Variants in PRKCB observed in about 807,000 individuals in gnomAD.
PRKCB encodes the protein protein kinase C beta.
In PRKCB, 13 loss-of-function variants were observed where a neutral mutation model predicts 81.5. The observed-to-expected ratio is 0.16, with a 90% CI of 0.10 to 0.25. The LOEUF (loss-of-function observed/expected upper bound fraction) is 0.25, where lower values mean the gene tolerates loss of function less well. PRKCB is among the 10% of genes least tolerant of loss of function. The pLI is 1.00. For synonymous variants in PRKCB, 335 were observed against 321.4 expected, an observed-to-expected ratio of 1.04 and a Z score of -0.45; for missense variants, 509 against 875.7, an observed-to-expected ratio of 0.58 and a Z score of 5.29.
intron 5 of PRKCB, among the ~76,000 whole-genome samples, chr16:24,092,263 T>C (rs995938731): frequency 1.3e-5 from 2 of 152,196 alleles, no homozygotes; most frequent in Non-Finnish European, 2.9e-5. Context: ...TTCATGTAAA[T>C]GGAATCATAC....
intron 9 of PRKCB, among the ~76,000 whole-genome samples, chr16:24,128,349 T>C (rs1966848150): frequency 6.6e-6 from 1 of 152,056 alleles, no homozygotes; most frequent in Admixed American, 6.5e-5. Flanking sequence ...CACTCCAGCC[T>C]GGGTGACAGA....
intron 13 of PRKCB, among the ~76,000 whole-genome samples, chr16:24,181,303 G>A (rs1967618069): frequency 6.6e-6 from 1 of 152,162 alleles, no homozygotes; most frequent in African/African-American, 2.4e-5. Context: ...ATATGACATG[G>A]GATCTGTGTC....
intron 2 of PRKCB, among the ~76,000 whole-genome samples, chr16:23,863,230 G>GTA (rs1303128855): frequency 1.9e-5 from 1 of 52,460 alleles, no homozygotes; most frequent in African/African-American, 7.3e-5. Flanking sequence ...ATATATATGT[G>GTA]TATATATATA....
intron 7 of PRKCB, among the ~76,000 whole-genome samples, chr16:24,107,169 C>T (rs1175247714): frequency 6.6e-6 from 1 of 152,192 alleles, no homozygotes; most frequent in Admixed American, 6.5e-5. Context: ...TTCCCACTCT[C>T]GTATTTGTTC....
chr16:23,991,176 G>A (rs1006018850), intron 3 of PRKCB, among the ~76,000 whole-genome samples: 1 of 152,168 alleles, frequency 6.6e-6, no homozygotes, highest in African/African-American at 2.4e-5. Context: ...GCAAACTGGG[G>A]TGGGAGTTTG....
intron 2 of PRKCB, among the ~76,000 whole-genome samples, chr16:23,927,363 A>C (rs1963911359): frequency 6.6e-6 from 1 of 152,122 alleles, no homozygotes; most frequent in South Asian, 2.1e-4. Context: ...GTGTATTTTC[A>C]GGGTAGGGGA....
At chr16:23,906,871 G>T (rs1285085633) in intron 2 of PRKCB, among the ~76,000 whole-genome samples, 1 of 152,138 alleles carries the variant, frequency 6.6e-6, no homozygotes, top group Non-Finnish European at 1.5e-5. Context: ...CAGCTAGGCA[G>T]CAAGGATTTT....
At chr16:23,897,536 G>C (rs1446392560) in intron 2 of PRKCB, among the ~76,000 whole-genome samples, 1 of 152,218 alleles carries the variant, frequency 6.6e-6, no homozygotes, top group Non-Finnish European at 1.5e-5. Flanking sequence ...ACCAAAGGCA[G>C]CTGTCACCTG....
At chr16:24,128,104 C>T (rs1966847628) in intron 9 of PRKCB, among the ~76,000 whole-genome samples, 2 of 131,788 alleles carry the variant, frequency 1.5e-5, no homozygotes, top group South Asian at 2.4e-4. Flanking sequence ...TGGCCAGGTG[C>T]GGTGGTTTGC....
intron 3 of PRKCB, among the ~76,000 whole-genome samples, chr16:24,010,352 G>C (rs1028614322): frequency 1.3e-5 from 2 of 152,192 alleles, no homozygotes; most frequent in African/African-American, 2.4e-5. Context: ...GAGAATTCAA[G>C]AATTACAACT....
chr16:23,849,977 C>T (rs1962445582), intron 2 of PRKCB, among the ~76,000 whole-genome samples: 1 of 152,140 alleles, frequency 6.6e-6, no homozygotes, highest in African/African-American at 2.4e-5. Flanking sequence ...CAACTCCTTC[C>T]CTCATCCCAG....
chr16:23,886,406 G>GTTTTT (rs398029038), intron 2 of PRKCB, among the ~76,000 whole-genome samples: 11 of 70,222 alleles, frequency 1.6e-4, no homozygotes, highest in African/African-American at 5.8e-4. Context: ...TGTGTTAGGT[G>GTTTTT]TTTTTTTTTT....
intron 5 of PRKCB, among the ~76,000 whole-genome samples, chr16:24,045,899 T>C (rs1965757497): frequency 6.6e-6 from 1 of 152,180 alleles, no homozygotes; most frequent in East Asian, 1.9e-4. Context: ...CCACCACAGG[T>C]GGATGTGCCA....
chr16:24,052,271 A>G (rs984858056), intron 5 of PRKCB, among the ~76,000 whole-genome samples: 1 of 152,214 alleles, frequency 6.6e-6, no homozygotes, highest in Non-Finnish European at 1.5e-5. Flanking sequence ...TTCAGTAGAC[A>G]TTGAAGAATG....
intron 9 of PRKCB, among the ~76,000 whole-genome samples, chr16:24,132,316 T>C (rs1335504922): frequency 1.3e-5 from 2 of 152,212 alleles, no homozygotes; most frequent in Non-Finnish European, 2.9e-5. Flanking sequence ...GGAAATAAGA[T>C]TGGAATCCAT....
At chr16:23,921,333 G>C (rs567119718) in intron 2 of PRKCB, among the ~76,000 whole-genome samples, 88 of 152,198 alleles carry the variant, frequency 5.8e-4, no homozygotes, top group South Asian at 2.9e-3. Context: ...GGATTGTGTG[G>C]GGTTTAAATG....
chr16:24,185,294 C>T (rs1967686061), intron 14 of PRKCB, 103 bp downstream of exon 14: 1 of 1,289,446 alleles, frequency 7.8e-7, no homozygotes, highest in Non-Finnish European at 1.1e-6. Flanking sequence ...AAATTGGAAC[C>T]TCTATGACTT....
chr16:23,879,482 CTTTTTTTTTTTTTTTTTTTT>C (rs546638229), intron 2 of PRKCB, among the ~76,000 whole-genome samples: 4 of 83,198 alleles, frequency 4.8e-5, no homozygotes, highest in Non-Finnish European at 8.7e-5. Context: ...TTTAGCTATC[CTTTTTTTTTTTTTTTTTTTT>C]TTTTTTTTTT....
chr16:24,057,497 G>A (rs1965918506), intron 5 of PRKCB, among the ~76,000 whole-genome samples: 1 of 152,158 alleles, frequency 6.6e-6, no homozygotes, highest in Admixed American at 6.5e-5. Context: ...AATCTCTTCT[G>A]TATGGGAGGT....
Sources: gnomAD v4.1 joint callset for allele counts (sites outside exome capture counted in the v4.1 genomes callset) on GRCh38, gnomAD v4.1.1 for gene constraint, MANE v1.5 for transcripts, NCBI Gene and HGNC (gene_info 2026-07-23, HGNC 2026-07-21) for gene names.